Variants in TMEM232 observed in about 807,000 individuals in gnomAD.
TMEM232 encodes the protein transmembrane protein 232.
Under a neutral mutation model 78.8 loss-of-function variants are expected in TMEM232, and 80 were observed. That is an observed-to-expected ratio of 1.01 (90% CI 0.85 to 1.22). TMEM232 has a LOEUF of 1.22. Ranked by LOEUF, TMEM232 falls within the 50% of genes most tolerant of loss-of-function variation. TMEM232 has a pLI of 0.00. For missense variants in TMEM232, 881 were observed against 742.2 expected (o/e 1.19, Z -2.17); for synonymous variants, 297 against 254.3 (o/e 1.17, Z -1.60).
chr5:110,424,992 G>T (rs1198833434), intron 12 of TMEM232, 76 bp from the exon 13 acceptor site: 5 of 1,018,304 alleles, frequency 4.9e-6, no homozygotes, highest in African/African-American at 1.6e-5. Context: ...TTGTAACTAA[G>T]CCATAATTTA....
chr5:110,436,920 G>T (rs1261713770), intron 12 of TMEM232, among the ~76,000 whole-genome samples: 1 of 151,924 alleles, frequency 6.6e-6, no homozygotes, highest in Non-Finnish European at 1.5e-5. Context: ...GCTCAGGATG[G>T]CTTTGGCTAT....
At chr5:110,721,574 T>C (rs2150348402) in intron 1 of TMEM232, among the ~76,000 whole-genome samples, 1 of 145,758 alleles carries the variant, frequency 6.9e-6, no homozygotes, top group East Asian at 2.0e-4. Flanking sequence ...AATACTGATC[T>C]AGAATTTTGA....
chr5:110,694,686 C>A (rs907417413), intron 1 of TMEM232, among the ~76,000 whole-genome samples: 7 of 151,900 alleles, frequency 4.6e-5, no homozygotes, highest in African/African-American at 1.4e-4. Context: ...TTTAAACCAA[C>A]AAAGATCAAC....
intron 2 of TMEM232, among the ~76,000 whole-genome samples, chr5:110,655,848 T>C (rs1293824462): frequency 7.2e-6 from 1 of 138,662 alleles, no homozygotes; most frequent in East Asian, 2.1e-4. Context: ...TAGATGGGAA[T>C]GGAACAATGA....
intron 10 of TMEM232, among the ~76,000 whole-genome samples, chr5:110,595,890 G>T (rs1302375505): frequency 6.6e-6 from 1 of 152,114 alleles, no homozygotes; most frequent in Non-Finnish European, 1.5e-5. Flanking sequence ...AACCTAGTAA[G>T]AGAGGCCAAC....
At chr5:110,490,212 ACACTATCAAT>A (rs1180492105) in intron 12 of TMEM232, among the ~76,000 whole-genome samples, 1 of 151,942 alleles carries the variant, frequency 6.6e-6, no homozygotes, top group Non-Finnish European at 1.5e-5. Flanking sequence ...GTATTGCTAT[ACACTATCAAT>A]CACTATCAAT....
chr5:110,507,084 T>C (rs564478607), intron 12 of TMEM232, among the ~76,000 whole-genome samples: 8 of 152,296 alleles, frequency 5.3e-5, no homozygotes, highest in East Asian at 1.9e-4. Context: ...TCTTGGCTCA[T>C]GTTTAATAGT....
intron 7 of TMEM232, among the ~76,000 whole-genome samples, chr5:110,623,371 G>A (rs1215318630): frequency 1.3e-5 from 2 of 152,108 alleles, no homozygotes; most frequent in Non-Finnish European, 2.9e-5. Context: ...ATACTTTCAA[G>A]TGGCCAAAGT....
intron 12 of TMEM232, among the ~76,000 whole-genome samples, chr5:110,522,211 T>G (rs1174933460): frequency 1.3e-5 from 2 of 151,556 alleles, no homozygotes; most frequent in Non-Finnish European, 3.0e-5. Context: ...TCCTAATTTA[T>G]CTATCGTATA....
At chr5:110,591,890 G>A (rs542778424) in intron 10 of TMEM232, among the ~76,000 whole-genome samples, 3 of 152,194 alleles carry the variant, frequency 2.0e-5, no homozygotes, top group African/African-American at 7.2e-5. Context: ...CAGAAAGACA[G>A]ATCCTTATCT....
At chr5:110,522,659 G>A (rs186849929) in intron 12 of TMEM232, among the ~76,000 whole-genome samples, 4 of 152,238 alleles carry the variant, frequency 2.6e-5, no homozygotes, top group African/African-American at 9.6e-5. Flanking sequence ...TTCAGCACCT[G>A]TTGAGATTAT....
chr5:110,444,266 T>C (rs1759395844), intron 12 of TMEM232, among the ~76,000 whole-genome samples: 1 of 152,120 alleles, frequency 6.6e-6, no homozygotes, highest in Non-Finnish European at 1.5e-5. Context: ...AGATGAGTGA[T>C]TTCCCTTTGG....
At chr5:110,611,480 T>A (rs1367403449) in intron 8 of TMEM232, among the ~76,000 whole-genome samples, 1 of 152,074 alleles carries the variant, frequency 6.6e-6, no homozygotes, top group African/African-American at 2.4e-5. Context: ...GACTGCCCTC[T>A]CATCAGGGAA....
chr5:110,698,659 CT>C (rs913503651), intron 1 of TMEM232, among the ~76,000 whole-genome samples: 7 of 151,970 alleles, frequency 4.6e-5, no homozygotes, highest in Admixed American at 4.6e-4. Context: ...TCGTCCCTCT[CT>C]TTTGCTAGAG....
intron 10 of TMEM232, among the ~76,000 whole-genome samples, chr5:110,571,406 C>G (rs550440947): frequency 6.6e-6 from 1 of 152,038 alleles, no homozygotes; most frequent in South Asian, 2.1e-4. Context: ...AAGTCCACAG[C>G]AAATCAAGAC....
intron 11 of TMEM232, among the ~76,000 whole-genome samples, chr5:110,545,853 G>A (rs185150733): frequency 3.3e-5 from 5 of 152,014 alleles, no homozygotes; most frequent in African/African-American, 9.7e-5. Context: ...ACTTATACAC[G>A]ATGACTTTTC....
intron 12 of TMEM232, among the ~76,000 whole-genome samples, chr5:110,463,943 T>C (rs894313276): frequency 2.0e-5 from 3 of 152,216 alleles, no homozygotes; most frequent in Non-Finnish European, 4.4e-5. Context: ...CTGGAGGCCT[T>C]TGTGCCTCCT....
chr5:110,400,035 T>C lies in TMEM232; in HGVS notation n.309-2181A>G, dbSNP rs79350506. Among the ~76,000 whole-genome samples the C allele has an allele frequency of 2.0e-3, 305 of 152,288 alleles. 1 individual carries two copies. Among genetic ancestry groups the C allele is most frequent in the African/African-American group, 6.7e-3 (278 of 41,580 alleles). On this transcript the variant is annotated intron_variant and non_coding_transcript_variant, in intron 2 of 8. Coordinates refer to the TMEM232 transcript ENST00000507188. The stretch of plus-strand genomic sequence containing the variant: ...TGCTCTTAAGTTCCTGGCATGTACA[T>C]GCTTTTACAGTGGAAATCTCATGAC...
At chr5:110,556,763 G>A (rs1415895152) in intron 11 of TMEM232, among the ~76,000 whole-genome samples, 2 of 152,110 alleles carry the variant, frequency 1.3e-5, no homozygotes, top group East Asian at 3.9e-4. Flanking sequence ...TTAGTCTGAT[G>A]AGGTTCCCTT....
Sources: gnomAD v4.1 joint callset for allele counts (sites outside exome capture counted in the v4.1 genomes callset) on GRCh38, gnomAD v4.1.1 for gene constraint, MANE v1.5 for transcripts, NCBI Gene and HGNC (gene_info 2026-07-23, HGNC 2026-07-21) for gene names.